Variants in LRRC49 observed in about 807,000 individuals in gnomAD.
LRRC49 encodes leucine-rich repeat-containing protein 49.
In LRRC49, 50 loss-of-function variants were observed where a neutral mutation model predicts 83.3. The observed-to-expected ratio is 0.60, with a 90% CI of 0.48 to 0.76. LRRC49 has a LOEUF of 0.76. Ranked by LOEUF, LRRC49 falls within the 30% of genes least tolerant of loss-of-function variation. LRRC49 has a pLI of 0.00. For synonymous variants in LRRC49, 286 were observed against 283.3 expected, an observed-to-expected ratio of 1.01 and a Z score of -0.10; for missense variants, 704 against 809.1, an observed-to-expected ratio of 0.87 and a Z score of 1.58.
chr15:71,045,525 A>T (rs898319817), intron 15 of LRRC49, among the ~76,000 whole-genome samples: 1 of 152,156 alleles, frequency 6.6e-6, no homozygotes, highest in African/African-American at 2.4e-5. Context: ...TTTCTTTGTA[A>T]ATTTTTCCAT....
rs1319590279 is a variant in LRRC49, at chr15:71,052,989, A to T, written c.*3377A>T. The T allele has an allele frequency of 1.3e-5, 2 of 152,260 alleles. No homozygotes were observed. The highest frequency in any genetic ancestry group is 2.4e-5 in the African/African-American group (1 of 41,474). The allele number at this position is 152,260 out of a possible 1,614,324, so 9.4% of individuals were successfully genotyped here. ...AGACATTATGTGCGGTATAAATACT[A>T]ACAAATGTATAAGTACACATGTACA... On this transcript the variant is annotated 3_prime_UTR_variant, in exon 16 of 16. Coordinates refer to ENST00000260382, the MANE Select transcript of LRRC49 (RefSeq NM_017691.5).
chr15:70,874,971 C>T (rs2033122078), intron 2 of LRRC49, among the ~76,000 whole-genome samples: 1 of 152,210 alleles, frequency 6.6e-6, no homozygotes, highest in Non-Finnish European at 1.5e-5. Context: ...TAGATGATTT[C>T]ACTAAGTAAG....
chr15:70,934,337 A>G (rs1213746604), intron 7 of LRRC49, among the ~76,000 whole-genome samples: 2 of 152,214 alleles, frequency 1.3e-5, no homozygotes, highest in Non-Finnish European at 2.9e-5. Context: ...AGAAAAGTTA[A>G]CATTTTCTTA....
intron 2 of LRRC49, among the ~76,000 whole-genome samples, chr15:70,886,269 AG>A (rs1297809300): frequency 2.6e-5 from 4 of 152,178 alleles, no homozygotes; most frequent in Non-Finnish European, 5.9e-5. Context: ...ATCATGCAAA[AG>A]GTATTCCACA....
intron 1 of LRRC49, chr15:70,853,998 A>C (rs2032572438): frequency 1.4e-6 from 2 of 1,460,166 alleles, no homozygotes; most frequent in African/African-American, 1.5e-5. Context: ...TCGTCCTCCA[A>C]CTCGTCCACG....
At chr15:71,015,449 G>A (rs1309047396) in intron 14 of LRRC49, among the ~76,000 whole-genome samples, 2 of 152,140 alleles carry the variant, frequency 1.3e-5, no homozygotes, top group Non-Finnish European at 2.9e-5. Flanking sequence ...TCACAATAGG[G>A]TTTGCGTTCC....
intron 8 of LRRC49, among the ~76,000 whole-genome samples, chr15:70,956,260 C>A (rs1194194324): frequency 2.6e-5 from 4 of 152,026 alleles, no homozygotes; most frequent in Non-Finnish European, 5.9e-5. Flanking sequence ...AAAATATTTT[C>A]TTTTCCTTTC....
intron 12 of LRRC49, 193 bp from the exon 13 acceptor site, chr15:71,009,614 A>T (rs1188902625): frequency 8.8e-6 from 4 of 452,218 alleles, no homozygotes; most frequent in Middle Eastern, 5.5e-4. Context: ...GATGGATTCC[A>T]TCAATGGTGC....
At chr15:70,932,822 CT>C (rs1324244079) in intron 7 of LRRC49, among the ~76,000 whole-genome samples, 6 of 150,094 alleles carry the variant, frequency 4.0e-5, no homozygotes, top group African/African-American at 1.5e-4. Context: ...CTCCGCCTCC[CT>C]CGTTCAAACA....
At chr15:70,872,412 G>C (rs368164279) in intron 1 of LRRC49, among the ~76,000 whole-genome samples, 1 of 151,402 alleles carries the variant, frequency 6.6e-6, no homozygotes, top group Non-Finnish European at 1.5e-5. Flanking sequence ...ACGTAGGGGA[G>C]AGGGAGAGGA....
chr15:70,991,613 A>T (rs755723824), intron 11 of LRRC49, among the ~76,000 whole-genome samples: 2 of 152,118 alleles, frequency 1.3e-5, no homozygotes, highest in Non-Finnish European at 2.9e-5. Context: ...GATATTTTTG[A>T]TCCATTTGGT....
At chr15:71,003,673 A>AT (rs1405230619) in intron 11 of LRRC49, among the ~76,000 whole-genome samples, 1 of 152,184 alleles carries the variant, frequency 6.6e-6, no homozygotes, top group African/African-American at 2.4e-5. Context: ...AGTTTAGAAT[A>AT]TTTTTTTCTA....
At chr15:71,040,547 C>T (rs560704217) in intron 15 of LRRC49, among the ~76,000 whole-genome samples, 6 of 151,958 alleles carry the variant, frequency 3.9e-5, no homozygotes, top group East Asian at 1.9e-4. Context: ...CGGCCGGGCG[C>T]GGTGGCTCAC....
At chr15:71,017,340 A>C (rs1374099732) in intron 14 of LRRC49, among the ~76,000 whole-genome samples, 1 of 152,206 alleles carries the variant, frequency 6.6e-6, no homozygotes, top group Non-Finnish European at 1.5e-5. Flanking sequence ...CATGTTAATG[A>C]AAATGTTCTA....
chr15:71,008,491 T>C lies in LRRC49; in HGVS notation c.1282T>C (p.Ser428Pro). 1 of 1,612,876 alleles carries C rather than the reference T, an allele frequency of 6.2e-7. No individual in the cohort carries two copies. Among genetic ancestry groups the C allele is most frequent in the Non-Finnish European group, 8.5e-7 (1 of 1,179,174 alleles). The change falls in exon 12 of 16, where the codon TCT becomes CCT. Residue 428 changes from serine to proline, a missense_variant. Ser to Pro is a moderately conservative substitution (Grantham distance 74, BLOSUM62 -1). Around this residue, in one of 3 missense-constraint regions of LRRC49, gnomAD observed 275 missense variants for 338.0 expected, o/e 0.81. Transcript: ENST00000260382. ...LSLYGSGALE[S>P]LDRNWSVQTA... The stretch of plus-strand genomic sequence containing the variant: ...CCTATATGGCTCAGGAGCACTGGAA[T>C]CTCTGGATAGGAATTGGAGTGTTCA...
Position 71,038,195 on chromosome 15 carries a change from A to G in LRRC49, c.1857+863A>G, listed in dbSNP as rs139900556. ...CTCACACAGGTTATACGATTGATAT[A>G]TAATAGATATCTTTCAATATCTACA... On this transcript the variant is annotated intron_variant, in intron 15 of 15. Coordinates refer to ENST00000260382, the MANE Select transcript of LRRC49 (RefSeq NM_017691.5). Among the ~76,000 whole-genome samples the G allele has an allele frequency of 7.1e-3, 1,080 of 152,324 alleles. 13 individuals carry two copies. Among genetic ancestry groups the G allele is most frequent in the African/African-American group, 0.025 (1,042 of 41,574 alleles).
chr15:70,936,713 T>TC, intron 7 of LRRC49, 48 bp from the exon 8 acceptor site: 1 of 1,092,664 alleles, frequency 9.2e-7, no homozygotes, highest in Non-Finnish European at 1.4e-6. Flanking sequence ...ACATTTATAA[T>TC]ATTTTTTTCT....
intron 4 of LRRC49, 87 bp from the exon 5 acceptor site, chr15:70,904,465 G>A: frequency 1.2e-6 from 1 of 859,486 alleles, no homozygotes; most frequent in Non-Finnish European, 1.9e-6. Context: ...TCACAGAATG[G>A]GAGCACAAAG....
At chr15:71,035,883 G>A (rs1246335501) in intron 14 of LRRC49, among the ~76,000 whole-genome samples, 1 of 152,068 alleles carries the variant, frequency 6.6e-6, no homozygotes, top group Non-Finnish European at 1.5e-5. Flanking sequence ...GGGTCAAATC[G>A]TATTTCTGGT....
Sources: gnomAD v4.1 joint callset for allele counts (sites outside exome capture counted in the v4.1 genomes callset) on GRCh38, gnomAD v4.1.1 for gene constraint, gnomAD v4.1.1 regional missense constraint, MANE v1.5 for transcripts, NCBI Gene and HGNC (gene_info 2026-07-23, HGNC 2026-07-21) for gene names.